The following KIAA1671 variants were observed in gnomAD, a reference collection of about 807,000 sequenced individuals.
The protein encoded by KIAA1671 is KIAA1671.
KIAA1671 carries 52 observed loss-of-function variants against 131.2 expected under a neutral mutation model. The ratio of observed to expected loss-of-function variants is 0.40; its 90% CI spans 0.32 to 0.50. The LOEUF (loss-of-function observed/expected upper bound fraction) is 0.50, where lower values mean the gene tolerates loss of function less well. Among genes scored for constraint, KIAA1671 ranks in the 20% least tolerant of loss-of-function variants. The probability of loss-of-function intolerance (pLI) is 0.73; values close to 1 mark genes in which losing one functional copy is unlikely to be tolerated. For missense variants in KIAA1671, 2,360 were observed against 2,364.2 expected (o/e 1.00, Z 0.04); for synonymous variants, 1,003 against 961.6 (o/e 1.04, Z -0.80).
chr22:25,099,545 GTTTTTTTTTTTTTTTTT>G (rs58721361), intron 6 of KIAA1671, among the ~76,000 whole-genome samples: 4 of 35,356 alleles, frequency 1.1e-4, no homozygotes, highest in African/African-American at 8.7e-4. Context: ...GGGTTTTTTT[GTTTTTTTTTTTTTTTTT>G]TTTTTTTTTT....
intron 11 of KIAA1671, among the ~76,000 whole-genome samples, chr22:25,188,990 A>G (rs1934570149): frequency 6.6e-6 from 1 of 152,176 alleles, no homozygotes; most frequent in Non-Finnish European, 1.5e-5. Flanking sequence ...ATAGAGATTG[A>G]TTTTAAGGAA....
chr22:25,106,726 T>A (rs574824797), intron 6 of KIAA1671, among the ~76,000 whole-genome samples: 2 of 152,326 alleles, frequency 1.3e-5, no homozygotes, highest in East Asian at 3.9e-4. Flanking sequence ...TTTTAAAAAA[T>A]TAAAATTAAT....
rs897266436 is a variant in KIAA1671 at position 25,027,769 on chromosome 22, G to A, written c.-55-176G>A. On this transcript the variant is annotated intron_variant, in intron 2 of 12. Transcript: ENST00000358431. Reference sequence around the variant, plus strand: ...GATGGGCGTTTAGTCCACTCCCCTCGTCCAGAGCTCAGAGACGGGGAGAGG... The same window carrying A: ...GATGGGCGTTTAGTCCACTCCCCTCATCCAGAGCTCAGAGACGGGGAGAGG... Among the ~76,000 whole-genome samples the A allele has an allele frequency of 1.7e-4, 26 of 152,308 alleles. No homozygotes were observed. The East Asian group carries it at 4.4e-3, about 26-fold the overall frequency.
chr22:24,953,434 G>T (rs1424955038), intron 1 of KIAA1671, among the ~76,000 whole-genome samples: 2 of 152,078 alleles, frequency 1.3e-5, no homozygotes, highest in Non-Finnish European at 1.5e-5. Context: ...TGAGAGGGGC[G>T]GCGCGCGGGG....
Position 25,040,968 on chromosome 22 carries a change from CTGGCAGAGACCT to C in KIAA1671, c.3842_3853del (p.Ala1281_Leu1284del). ...TTTCACTCCTGGCTTAGGCAAGCAG[CTGGCAGAGACCT>C]TGGAGACAGCCATGGGCACCAAATC... On this transcript the variant is annotated inframe_deletion, in exon 5 of 13. Coordinates refer to ENST00000358431, the MANE Select transcript of KIAA1671 (RefSeq NM_001145206.2). 2.0e-6 allele frequency: 3 copies of C among 1,474,890 alleles called. No homozygotes were observed. Among genetic ancestry groups the C allele is most frequent in the Non-Finnish European group, 2.7e-6 (3 of 1,112,288 alleles). 91.4% of individuals were successfully genotyped at this position (1,474,890 alleles called of 1,614,324 possible).
chr22:25,037,964 T>A, intron 4 of KIAA1671, among the ~76,000 whole-genome samples: 1 of 152,044 alleles, frequency 6.6e-6, no homozygotes, highest in South Asian at 2.1e-4. Flanking sequence ...CTCAGCCTCC[T>A]GAGTTGCTGG....
At chr22:25,084,675 G>T (rs563261405) in intron 6 of KIAA1671, among the ~76,000 whole-genome samples, 1 of 152,314 alleles carries the variant, frequency 6.6e-6, no homozygotes, top group East Asian at 1.9e-4. Context: ...AAATTAGGCA[G>T]GGCTCAGTGA....
chr22:25,094,506 A>G (rs997062825), intron 6 of KIAA1671, among the ~76,000 whole-genome samples: 2 of 152,090 alleles, frequency 1.3e-5, no homozygotes, highest in African/African-American at 2.4e-5. Flanking sequence ...GAGAGTGAGA[A>G]CACCCCTCAA....
chr22:25,189,769 T>TTTTGTTTG (rs55679264), intron 11 of KIAA1671, among the ~76,000 whole-genome samples: 3,630 of 151,726 alleles, frequency 0.024, 120 homozygotes, highest in African/African-American at 0.079. Context: ...AGGACGAATT[T>TTTTGTTTG]TTTGTTTGTT....
intron 6 of KIAA1671, among the ~76,000 whole-genome samples, chr22:25,162,391 C>G (rs914420317): frequency 7.9e-5 from 12 of 152,232 alleles, no homozygotes; most frequent in African/African-American, 2.9e-4. Context: ...TCTGGAATCT[C>G]TCAGAACTGC....
chr22:24,982,561 G>T (rs1923292794), intron 1 of KIAA1671, among the ~76,000 whole-genome samples: 1 of 152,224 alleles, frequency 6.6e-6, no homozygotes, highest in Non-Finnish European at 1.5e-5. Flanking sequence ...TTGTGGGTCT[G>T]CATGGGTGAG....
intron 1 of KIAA1671, among the ~76,000 whole-genome samples, chr22:25,007,951 T>C (rs772700951): frequency 6.6e-6 from 1 of 151,746 alleles, no homozygotes; most frequent in Non-Finnish European, 1.5e-5. Flanking sequence ...ATCCCAGCAC[T>C]TGGGGAGGCT....
At chr22:25,036,894 A>G (rs953133213) in intron 4 of KIAA1671, among the ~76,000 whole-genome samples, 1 of 152,172 alleles carries the variant, frequency 6.6e-6, no homozygotes, top group East Asian at 1.9e-4. Flanking sequence ...ATTGTACTCC[A>G]GCCTGGGTGA....
intron 3 of KIAA1671, 57 bp from the exon 4 acceptor site, chr22:25,032,552 G>A: frequency 8.8e-7 from 1 of 1,131,618 alleles, no homozygotes; most frequent in Non-Finnish European, 1.3e-6. Flanking sequence ...CTGGTGTGTG[G>A]GCTGGGGGGA....
chr22:25,028,371 G>T lies in KIAA1671; in HGVS notation c.372G>T (p.Pro124=). The change falls in exon 3 of 13, where the codon CCG becomes CCT. Residue 124 remains proline (P), a synonymous_variant. Transcript: ENST00000358431. The stretch of plus-strand genomic sequence containing the variant: ...AGGAGGTGGGCAGTGGGGAGGGCCC[G>T]AGGACGAGCTCGCCCCTCTTCAACA... ...VGQEVGSGEG[P]RTSSPLFNKA... is the part of the protein sequence containing the mutation. The T allele has an allele frequency of 6.4e-7, 1 of 1,550,890 alleles. No homozygotes were observed.
chr22:25,107,469 C>CTTTTTTTTTTTTTT (rs765558092), intron 6 of KIAA1671, among the ~76,000 whole-genome samples: 1 of 68,512 alleles, frequency 1.5e-5, no homozygotes, highest in Non-Finnish European at 2.5e-5. Context: ...ATCCATGGCA[C>CTTTTTTTTTTTTTT]TTTTTTTTTT....
At chr22:25,093,725 ACACACACACACACT>A (rs1930149726) in intron 6 of KIAA1671, among the ~76,000 whole-genome samples, 2 of 69,672 alleles carry the variant, frequency 2.9e-5, no homozygotes, top group African/African-American at 1.3e-4. Flanking sequence ...ACACACACAC[ACACACACACACACT>A]CTCTCTCTCT....
chr22:24,955,583 C>T lies in KIAA1671; in HGVS notation c.-208+2811C>T, dbSNP rs372743716. Among the ~76,000 whole-genome samples, 11 of 152,140 alleles carry T rather than the reference C, an allele frequency of 7.2e-5. No homozygotes were observed. In the South Asian group the frequency reaches 1.2e-3, roughly 17 times the overall value. On this transcript the variant is annotated intron_variant, in intron 1 of 12. Coordinates refer to ENST00000358431, the MANE Select transcript of KIAA1671 (RefSeq NM_001145206.2). ...TGGACTTTATTCCTGGAGCGTGGGG[C>T]GCTGTGGATCACAGTGGAAGGGTCT...
intron 6 of KIAA1671, among the ~76,000 whole-genome samples, chr22:25,154,760 G>A (rs1380059868): frequency 6.6e-6 from 1 of 152,202 alleles, no homozygotes; most frequent in Non-Finnish European, 1.5e-5. Flanking sequence ...CCCACTGCGA[G>A]GTCCCCAACT....
Sources: allele counts gnomAD v4.1 joint callset (sites outside exome capture counted in the v4.1 genomes callset), GRCh38; gene constraint gnomAD v4.1.1; transcripts MANE v1.5; gene names NCBI Gene and HGNC (gene_info 2026-07-23, HGNC 2026-07-21).